Variants in NDST4 observed in about 807,000 individuals in gnomAD.
NDST4 encodes the protein N-heparan sulfate sulfotransferase 4.
Under a neutral mutation model 100.8 loss-of-function variants are expected in NDST4, and 63 were observed. The ratio of observed to expected loss-of-function variants is 0.62; its 90% CI spans 0.51 to 0.77. The LOEUF (loss-of-function observed/expected upper bound fraction) is 0.77. Ranked by LOEUF, NDST4 falls within the 30% of genes least tolerant of loss-of-function variation. The pLI is 0.00. For synonymous variants in NDST4, 377 were observed against 361.8 expected (o/e 1.04, Z -0.48); for missense variants, 943 against 1,018.4 (o/e 0.93, Z 1.01).
intron 6 of NDST4, among the ~76,000 whole-genome samples, chr4:114,911,987 T>C (rs1266192475): frequency 1.3e-5 from 2 of 152,120 alleles, no homozygotes; most frequent in East Asian, 3.9e-4. Context: ...CAGACAGATG[T>C]AGTCTAATAC....
At chr4:114,855,157 T>G (rs1048825706) in intron 7 of NDST4, among the ~76,000 whole-genome samples, 8 of 152,218 alleles carry the variant, frequency 5.3e-5, no homozygotes, top group African/African-American at 1.9e-4. Flanking sequence ...TAGAGTTGTT[T>G]GAATCCCTTA....
intron 2 of NDST4, among the ~76,000 whole-genome samples, chr4:115,050,789 T>A (rs1041206369): frequency 6.6e-6 from 1 of 152,160 alleles, no homozygotes; most frequent in Admixed American, 6.6e-5. Flanking sequence ...TATTAGTTAC[T>A]ATTTTAAGTA....
intron 6 of NDST4, among the ~76,000 whole-genome samples, chr4:114,915,288 A>G (rs937161474): frequency 1.3e-5 from 2 of 152,162 alleles, no homozygotes; most frequent in Non-Finnish European, 2.9e-5. Context: ...AGATTGTCCA[A>G]TGCCGTAAGG....
intron 2 of NDST4, among the ~76,000 whole-genome samples, chr4:115,049,224 T>A (rs1331581113): frequency 6.6e-6 from 1 of 151,894 alleles, no homozygotes; most frequent in Admixed American, 6.6e-5. Flanking sequence ...ATGGTAAAAT[T>A]TGGCTTGATG....
At chr4:114,905,155 C>G (rs4090780) in intron 6 of NDST4, among the ~76,000 whole-genome samples, 8,564 of 145,272 alleles carry the variant, frequency 0.059, 798 homozygotes, top group African/African-American at 0.2. Context: ...TTTTCTGCAA[C>G]AAATCAGTGT....
intron 1 of NDST4, among the ~76,000 whole-genome samples, chr4:115,102,677 A>C (rs1729754201): frequency 7.1e-6 from 1 of 141,780 alleles, no homozygotes; most frequent in African/African-American, 2.6e-5. Flanking sequence ...ATCAGTGGTC[A>C]TTTATATACC....
intron 6 of NDST4, among the ~76,000 whole-genome samples, chr4:114,909,855 A>C (rs1725029258): frequency 6.6e-6 from 1 of 152,202 alleles, no homozygotes; most frequent in Non-Finnish European, 1.5e-5. Context: ...TATGTTATTT[A>C]AATGCCAGAA....
intron 6 of NDST4, among the ~76,000 whole-genome samples, chr4:114,909,669 CAAAAAA>C (rs773267929): frequency 3.2e-5 from 2 of 61,664 alleles, no homozygotes; most frequent in Non-Finnish European, 6.5e-5. Flanking sequence ...GACTCCGTCT[CAAAAAA>C]AAAAAAAAAA....
At chr4:114,852,379 G>A (rs529141702) in intron 8 of NDST4, among the ~76,000 whole-genome samples, 4 of 152,020 alleles carry the variant, frequency 2.6e-5, no homozygotes, top group Non-Finnish European at 4.4e-5. Context: ...TTTATAAATT[G>A]CTTTAGAAAT....
chr4:114,945,425 A>G (rs1388734054), intron 4 of NDST4, among the ~76,000 whole-genome samples: 1 of 152,164 alleles, frequency 6.6e-6, no homozygotes, highest in East Asian at 1.9e-4. Context: ...GGCTTGTAAA[A>G]CCAGCCCACA....
intron 2 of NDST4, among the ~76,000 whole-genome samples, chr4:115,025,391 A>T (rs1429633378): frequency 6.6e-6 from 1 of 152,172 alleles, no homozygotes; most frequent in Non-Finnish European, 1.5e-5. Context: ...TCTTACCTGG[A>T]GAATGTCTGA....
Position 114,888,927 on chromosome 4 carries a change from T to C in NDST4, c.1537-17977A>G, listed in dbSNP as rs186335414. Among the ~76,000 whole-genome samples, 5 of 152,294 alleles carry C rather than the reference T, an allele frequency of 3.3e-5. No homozygotes were observed. In the East Asian group the frequency reaches 9.6e-4, roughly 29 times the overall value. ...TGTTTTGGGAATCAGAACACTAATA[T>C]ATTTGCATTTTATCTTTACTTTCCC... On this transcript the variant is annotated intron_variant, in intron 6 of 13. Transcript: ENST00000264363.
At chr4:115,113,346 A>T (rs1729992736) in intron 1 of NDST4, 98 bp downstream of exon 1, 1 of 151,974 alleles carries the variant, frequency 6.6e-6, no homozygotes, top group African/African-American at 2.4e-5. Flanking sequence ...ATCTTTCACA[A>T]ATAAAACTTT....
Position 114,839,456 on chromosome 4 carries a change from A to G in NDST4, c.2208T>C (p.Thr736=). The change falls in exon 11 of 14, where the codon ACT becomes ACC. Residue 736 remains threonine, a synonymous_variant. Coordinates refer to ENST00000264363, the MANE Select transcript of NDST4 (RefSeq NM_022569.3). ...CAGGTACTAGGCATCTTCTCTGCAA[A>G]GTTTTTAAGTCAGATGGAGCCCAAT... is the stretch of plus-strand genomic sequence containing the variant. ...TGHWAPSDLK[T]LQRRCLVPGW... is the part of the protein sequence containing the mutation. The G allele has an allele frequency of 6.2e-7, 1 of 1,613,988 alleles. No individual in the cohort carries two copies.
In NDST4 at chr4:115,066,370, G is replaced by A. The variant is rs567607920; in HGVS notation, c.978+9689C>T. On this transcript the variant is annotated intron_variant, in intron 2 of 13. Transcript: ENST00000264363. ...GATGACTTTTCCTTCCATTGATAAA[G>A]TTAAATGTGTGGTGCTACTTGAAAT... is the stretch of plus-strand genomic sequence containing the variant. Among the ~76,000 whole-genome samples the A allele has an allele frequency of 5.3e-5, 8 of 152,212 alleles. No individual in the cohort carries two copies. In the South Asian group the frequency reaches 1.7e-3, roughly 32 times the overall value.
At chr4:114,997,339 C>T (rs1727186725) in intron 2 of NDST4, among the ~76,000 whole-genome samples, 1 of 151,792 alleles carries the variant, frequency 6.6e-6, no homozygotes, top group South Asian at 2.1e-4. Flanking sequence ...ATCAAGGAGA[C>T]AGAATGAGAA....
intron 2 of NDST4, among the ~76,000 whole-genome samples, chr4:114,980,229 T>C (rs1229114321): frequency 1.3e-5 from 2 of 152,216 alleles, no homozygotes; most frequent in African/African-American, 4.8e-5. Context: ...TTGGAAAAGC[T>C]TGTTAATGAG....
intron 1 of NDST4, among the ~76,000 whole-genome samples, chr4:115,098,771 C>G (rs1211265519): frequency 1.3e-5 from 2 of 152,306 alleles, no homozygotes; most frequent in East Asian, 1.9e-4. Flanking sequence ...CACAGCATGG[C>G]TAACTGCAGC....
chr4:115,092,454 T>G (rs504346), intron 1 of NDST4, among the ~76,000 whole-genome samples: 114,163 of 152,040 alleles, frequency 0.75, 43,656 homozygotes, highest in African/African-American at 0.88. Flanking sequence ...ATAAGTGAAG[T>G]TAAAAAATGA....
Sources: allele counts gnomAD v4.1 joint callset (sites outside exome capture counted in the v4.1 genomes callset), GRCh38; gene constraint gnomAD v4.1.1; transcripts MANE v1.5; gene names NCBI Gene and HGNC (gene_info 2026-07-23, HGNC 2026-07-21).